WDR17: variants seen among roughly 807,000 people sequenced by gnomAD.
WDR17 encodes the protein WD repeat domain 17.
A neutral mutation model predicts 161.7 loss-of-function variants in WDR17; 143 were observed. That is an observed-to-expected ratio of 0.88 (90% confidence interval 0.77 to 1.02). The LOEUF is 1.02. WDR17 is among the 50% of genes least tolerant of loss of function. WDR17 has a pLI of 0.00. For missense variants in WDR17, 1,469 were observed against 1,520.9 expected, an observed-to-expected ratio of 0.97 and a Z score of 0.57; for synonymous variants, 517 against 515.6, an observed-to-expected ratio of 1.00 and a Z score of -0.04.
chr4:176,095,342 G>C (rs530376882), intron 1 of WDR17, among the ~76,000 whole-genome samples: 1 of 152,242 alleles, frequency 6.6e-6, no homozygotes, highest in East Asian at 1.9e-4. Flanking sequence ...AATTAAGCAA[G>C]AGATTTTGCC....
chr4:176,075,081 C>T (rs1318969422), intron 1 of WDR17, among the ~76,000 whole-genome samples: 2 of 151,730 alleles, frequency 1.3e-5, no homozygotes, highest in Non-Finnish European at 2.9e-5. Context: ...TTTAAATTAA[C>T]TACATAGACT....
intron 12 of WDR17, among the ~76,000 whole-genome samples, chr4:176,147,212 A>C (rs956738238): frequency 3.3e-5 from 5 of 152,184 alleles, no homozygotes; most frequent in African/African-American, 1.2e-4. Context: ...TTAAGAAATA[A>C]GAATACATCA....
Position 176,162,168 on chromosome 4 carries a change from T to A in WDR17, c.2844T>A (p.Asn948Lys), listed in dbSNP as rs752544960. Reference protein sequence around the residue: ...LAACCHLAIDNIELAMAYLIR... With the variant: ...LAACCHLAIDKIELAMAYLIR... ...CATGTTGCCATCTTGCCATAGATAA[T>A]ATTGAGGTACGACATTTAAAACTGG... The change falls in exon 21 of 29, where the codon AAT becomes AAA. Residue 948 changes from asparagine to lysine, a missense_variant. Coordinates refer to ENST00000508596, the MANE Select transcript of WDR17 (RefSeq NM_181265.4). The A allele has an allele frequency of 1.2e-6, 2 of 1,611,674 alleles. No homozygotes were observed. Among genetic ancestry groups the A allele is most frequent in the Non-Finnish European group, 1.7e-6 (2 of 1,178,876 alleles).
chr4:176,129,954 T>G (rs1743088475), intron 6 of WDR17, among the ~76,000 whole-genome samples: 1 of 142,460 alleles, frequency 7.0e-6, no homozygotes, highest in Admixed American at 6.9e-5. Flanking sequence ...AATACCAGAT[T>G]CTTTTCTTTC....
At chr4:176,084,450 T>C (rs987520742) in intron 1 of WDR17, among the ~76,000 whole-genome samples, 1 of 152,088 alleles carries the variant, frequency 6.6e-6, no homozygotes, top group Non-Finnish European at 1.5e-5. Context: ...GAGCTGCCTC[T>C]ATAATACAGA....
In WDR17 at chr4:176,128,777, G is replaced by GAAC. The variant is rs1458762920; in HGVS notation, c.835_837dup (p.Thr279dup). On this transcript the variant is annotated inframe_insertion, in exon 6 of 29. Transcript: ENST00000508596. ...GTTTTACGCATTTGGAATGTTTCAA[G>GAAC]AACAACACCTATTGATAATCTTAAA... 8.7e-6 allele frequency: 14 copies of GAAC among 1,604,530 alleles called. No individual in the cohort carries two copies. In the Admixed American group the frequency reaches 2.4e-4, roughly 28 times the overall value.
intron 1 of WDR17, among the ~76,000 whole-genome samples, chr4:176,105,024 T>C (rs911123069): frequency 3.3e-5 from 5 of 151,376 alleles, no homozygotes; most frequent in African/African-American, 1.2e-4. Context: ...AGATTGAAAG[T>C]AAAAGGATGA....
intron 1 of WDR17, among the ~76,000 whole-genome samples, chr4:176,094,270 T>C (rs1277855730): frequency 1.3e-5 from 2 of 152,226 alleles, no homozygotes; most frequent in Non-Finnish European, 2.9e-5. Context: ...CCAACTTTCA[T>C]AGCCCTGCAT....
chr4:176,112,820 A>G (rs573673406), intron 2 of WDR17, among the ~76,000 whole-genome samples: 1 of 152,266 alleles, frequency 6.6e-6, no homozygotes, highest in East Asian at 1.9e-4. Flanking sequence ...GTCTTAAATG[A>G]ATGAATTAAG....
chr4:176,118,865 G>C (rs879785313), intron 3 of WDR17, among the ~76,000 whole-genome samples: 28 of 152,174 alleles, frequency 1.8e-4, no homozygotes, highest in Non-Finnish European at 2.8e-4. Context: ...GGAGGCTGAG[G>C]CAGGAGAATG....
intron 4 of WDR17, among the ~76,000 whole-genome samples, chr4:176,120,319 T>TATATATATATATATAA (rs1491272016): frequency 2.3e-4 from 32 of 138,790 alleles, no homozygotes; most frequent in African/African-American, 7.9e-4. Context: ...TATATATATA[T>TATATATATATATATAA]AATACATTCA....
chr4:176,112,615 G>GAACACTTTCTCATCTTTC (rs1228718545), intron 2 of WDR17, among the ~76,000 whole-genome samples: 8 of 152,112 alleles, frequency 5.3e-5, no homozygotes, highest in African/African-American at 1.9e-4. Context: ...CCTGTCTAGA[G>GAACACTTTCTCATCTTTC]AACACTTTCT....
chr4:176,126,017 T>G (rs984692136), intron 5 of WDR17, among the ~76,000 whole-genome samples: 12 of 152,158 alleles, frequency 7.9e-5, no homozygotes, highest in Non-Finnish European at 1.6e-4. Flanking sequence ...ACAAAGCCAC[T>G]CTCACAATAA....
chr4:176,133,836 C>G (rs574722070), intron 7 of WDR17, among the ~76,000 whole-genome samples: 2 of 151,574 alleles, frequency 1.3e-5, no homozygotes, highest in Admixed American at 1.3e-4. Context: ...TGAATATTTG[C>G]TCCATTAAAA....
intron 18 of WDR17, among the ~76,000 whole-genome samples, chr4:176,156,627 A>G (rs760677018): frequency 7.2e-5 from 11 of 152,036 alleles, no homozygotes; most frequent in Non-Finnish European, 1.5e-4. Flanking sequence ...TCAGAATGCA[A>G]TAACCCGACA....
chr4:176,124,959 A>C, intron 4 of WDR17, 145 bp from the exon 5 acceptor site: 2 of 902,324 alleles, frequency 2.2e-6, no homozygotes, highest in East Asian at 5.3e-5. Context: ...TTCACATGTC[A>C]GTTACGCCTT....
In WDR17 at chr4:176,172,406, A is replaced by C. The variant is rs377263822; in HGVS notation, c.3134A>C (p.Gln1045Pro). 5 of 1,610,470 alleles carry C rather than the reference A, an allele frequency of 3.1e-6. No individual in the cohort carries two copies. The African/African-American group carries it at 4.0e-5, about 13-fold the overall frequency. ...CKLPTVEECM[Q>P]LAETARADDN... ...CTACCCACAGTGGAAGAATGTATGCAGTTAGCTGAGACAGCCCGTGCAGAT... is the reference window on the plus strand; with the variant it reads ...CTACCCACAGTGGAAGAATGTATGCCGTTAGCTGAGACAGCCCGTGCAGAT... The change falls in exon 24 of 29, where the codon CAG becomes CCG. Residue 1045 changes from glutamine to proline, a missense_variant. By Grantham distance (76) the Gln-to-Pro change is moderately conservative. Coordinates refer to ENST00000508596, the MANE Select transcript of WDR17 (RefSeq NM_181265.4).
chr4:176,123,864 C>T (rs1171855724), intron 4 of WDR17, among the ~76,000 whole-genome samples: 1 of 152,234 alleles, frequency 6.6e-6, no homozygotes, highest in Non-Finnish European at 1.5e-5. Context: ...AAGGTCCCAA[C>T]TCTCTAATCA....
In WDR17 at chr4:176,179,556, G is replaced by A. The variant is rs776872895; in HGVS notation, c.3829G>A (p.Gly1277Arg). 2 of 1,588,034 alleles carry A rather than the reference G, an allele frequency of 1.3e-6. No homozygotes were observed. Among genetic ancestry groups the A allele is most frequent in the South Asian group, 2.3e-5 (2 of 86,658 alleles). ...GAATCCATTCTCACCTTTAGGGACTGGAATACGACTCAATCCATTCTGATA... is the reference window on the plus strand; with the variant it reads ...GAATCCATTCTCACCTTTAGGGACTAGAATACGACTCAATCCATTCTGATA... ...KVNPFSPLGT[G>R]IRLNPF is the part of the protein sequence containing the mutation. The change falls in exon 29 of 29, where the codon GGA becomes AGA. Residue 1277 changes from glycine to arginine, a missense_variant. By Grantham distance (125) the Gly-to-Arg change is moderately radical (BLOSUM62 -2). Transcript: ENST00000508596.
Sources: allele counts gnomAD v4.1 joint callset (sites outside exome capture counted in the v4.1 genomes callset), GRCh38; gene constraint gnomAD v4.1.1; transcripts MANE v1.5; gene names NCBI Gene and HGNC (gene_info 2026-07-23, HGNC 2026-07-21).